OTOGL: variants seen among roughly 807,000 people sequenced by gnomAD.
OTOGL encodes otogelin-like protein.
In OTOGL, 285 loss-of-function variants were observed where a neutral mutation model predicts 318.5. The ratio of observed to expected loss-of-function variants is 0.89; its 90% confidence interval spans 0.81 to 0.99. The LOEUF (loss-of-function observed/expected upper bound fraction) is 0.99, where lower values mean the gene tolerates loss of function less well. Ranked by LOEUF, OTOGL falls within the 50% of genes least tolerant of loss-of-function variation. The pLI, the probability that OTOGL is intolerant of heterozygous loss-of-function variation, is 0.00. For synonymous variants in OTOGL, 987 were observed against 936.5 expected (o/e 1.05, Z -0.99); for missense variants, 2,899 against 2,845.6 (o/e 1.02, Z -0.43).
intron 12 of OTOGL, 123 bp from the exon 13 acceptor site, chr12:80,251,953 A>AT (rs1881593973): frequency 8.8e-7 from 1 of 1,142,302 alleles, no homozygotes; most frequent in Non-Finnish European, 1.1e-6. Flanking sequence ...ACAAGTATGC[A>AT]ATTTTTTTGC....
intron 11 of OTOGL, among the ~76,000 whole-genome samples, chr12:80,250,417 A>G (rs1345690272): frequency 6.6e-6 from 1 of 152,200 alleles, no homozygotes; most frequent in Non-Finnish European, 1.5e-5. Flanking sequence ...TAATAGTTGC[A>G]TTGGGCTGGA....
chr12:80,117,134 T>A (rs1000098353), intron 1 of OTOGL, among the ~76,000 whole-genome samples: 4 of 152,052 alleles, frequency 2.6e-5, no homozygotes, highest in African/African-American at 2.4e-5. Flanking sequence ...AAGAGACAAA[T>A]GGGGCCTGGA....
rs145801741 is a variant in OTOGL, at chr12:80,195,352, TTGCAAAAAGCAACTTG to T, written c.-19-14059_-19-14044del. ...GAGCCAGCAGAGGGCTTTTCTGTAC[TTGCAAAAAGCAACTTG>T]TTAATGGCAGATTCCTAGCTCAATT... On this transcript the variant is annotated intron_variant, in intron 1 of 58. Transcript: ENST00000547103. Among the ~76,000 whole-genome samples, 891 of 152,310 alleles carry T rather than the reference TTGCAAAAAGCAACTTG, an allele frequency of 5.8e-3. 5 individuals are homozygous for T. The highest frequency in any genetic ancestry group is 0.024 in the Middle Eastern group (7 of 294).
At chr12:80,253,737 T>C (rs1033107282) in intron 14 of OTOGL, among the ~76,000 whole-genome samples, 163 bp downstream of exon 14, 3 of 152,174 alleles carry the variant, frequency 2.0e-5, no homozygotes, top group Admixed American at 2.0e-4. Context: ...GACATCTGTA[T>C]TTCCTTTTAT....
intron 4 of OTOGL, among the ~76,000 whole-genome samples, chr12:80,216,950 TA>T (rs1877784109): frequency 6.6e-6 from 1 of 151,474 alleles, no homozygotes; most frequent in Non-Finnish European, 1.5e-5. Flanking sequence ...AGTATAATAA[TA>T]ATAAAAGAAA....
intron 26 of OTOGL, among the ~76,000 whole-genome samples, chr12:80,295,186 T>TTTTTTA (rs1485344487): frequency 8.7e-6 from 1 of 114,884 alleles, no homozygotes; most frequent in African/African-American, 3.0e-5. Context: ...TTTTTTTTTT[T>TTTTTTA]AAGACAGAGT....
chr12:80,102,648 A>G (rs1406064127), intron 1 of OTOGL, among the ~76,000 whole-genome samples: 2 of 151,974 alleles, frequency 1.3e-5, no homozygotes, highest in African/African-American at 2.4e-5. Flanking sequence ...CCCACTCCCA[A>G]TTGTATCTAT....
intron 36 of OTOGL, 35 bp from the exon 37 acceptor site, chr12:80,329,016 A>G (rs374898772): frequency 4.4e-5 from 68 of 1,536,900 alleles, no homozygotes; most frequent in Non-Finnish European, 5.7e-5. Context: ...TTATGCAAAT[A>G]CAGTTTTATA....
rs771590833 is a variant in OTOGL at position 80,368,209 on chromosome 12, A to G, written c.6515A>G (p.Gln2172Arg). Residue 2172 changes from glutamine (Q) to arginine (R), a missense_variant, in exon 55 of 59, where the codon CAG becomes CGG. Physicochemically the swap from Gln to Arg is conservative, Grantham distance 43 (BLOSUM62 1). Coordinates refer to ENST00000547103, the MANE Select transcript of OTOGL (RefSeq NM_001378609.3). ...ATCTAATATCATTATATGCAGCACC[A>G]GGTATATACTCCATCCCCAAGTGAT... Reference protein sequence around the residue: ...VNCSKKCDVHQVYTPSPSDYG... With the variant: ...VNCSKKCDVHRVYTPSPSDYG... The G allele has an allele frequency of 7.6e-6, 12 of 1,588,954 alleles. No individual in the cohort carries two copies. The South Asian group carries it at 1.0e-4, about 13-fold the overall frequency.
At chr12:80,310,457 T>A (rs1886555546) in intron 29 of OTOGL, among the ~76,000 whole-genome samples, 154 bp from the exon 30 acceptor site, 1 of 152,244 alleles carries the variant, frequency 6.6e-6, no homozygotes, top group African/African-American at 2.4e-5. Context: ...GCAATTAACA[T>A]TGAATAGGAT....
intron 35 of OTOGL, among the ~76,000 whole-genome samples, chr12:80,328,170 T>G (rs1887821348): frequency 6.6e-6 from 1 of 151,216 alleles, no homozygotes; most frequent in Admixed American, 6.6e-5. Context: ...ATAGAAAAAA[T>G]TAGCCAGGCA....
intron 52 of OTOGL, among the ~76,000 whole-genome samples, chr12:80,361,452 A>C (rs1185165121): frequency 6.9e-6 from 1 of 144,866 alleles, no homozygotes; most frequent in South Asian, 2.3e-4. Context: ...ATGGGAGTGC[A>C]GATATCTCTA....
At chr12:80,268,054 A>G (rs890248655) in intron 22 of OTOGL, among the ~76,000 whole-genome samples, 5 of 152,120 alleles carry the variant, frequency 3.3e-5, no homozygotes, top group African/African-American at 1.2e-4. Context: ...CATCAATACT[A>G]GAAAGATAAC....
intron 11 of OTOGL, among the ~76,000 whole-genome samples, chr12:80,250,036 G>A (rs1042228529): frequency 1.8e-4 from 27 of 151,960 alleles, no homozygotes; most frequent in African/African-American, 5.3e-4. Context: ...CGCACGGTGC[G>A]CGCACCCACT....
chr12:80,251,029 A>G (rs1359468883), intron 11 of OTOGL, among the ~76,000 whole-genome samples: 3 of 152,236 alleles, frequency 2.0e-5, no homozygotes, highest in Non-Finnish European at 2.9e-5. Context: ...AAAGAATTCA[A>G]AATCCTCTTT....
chr12:80,329,531 T>C (rs989557074), intron 37 of OTOGL, among the ~76,000 whole-genome samples: 1 of 152,230 alleles, frequency 6.6e-6, no homozygotes, highest in Non-Finnish European at 1.5e-5. Flanking sequence ...AGTGATTAAA[T>C]TGGCTCTAAT....
chr12:80,306,824 T>TA (rs1886150771), intron 29 of OTOGL, among the ~76,000 whole-genome samples: 1 of 149,660 alleles, frequency 6.7e-6, no homozygotes, highest in African/African-American at 2.4e-5. Context: ...TATTATTTTT[T>TA]AATTGATCAT....
intron 1 of OTOGL, among the ~76,000 whole-genome samples, chr12:80,183,006 A>T (rs1306325310): frequency 6.6e-6 from 1 of 152,188 alleles, no homozygotes; most frequent in Non-Finnish European, 1.5e-5. Flanking sequence ...TTTTTACTTC[A>T]TTTTTTGGAA....
At chr12:80,112,441 T>C (rs962329313) in intron 1 of OTOGL, among the ~76,000 whole-genome samples, 15 of 152,210 alleles carry the variant, frequency 9.9e-5, no homozygotes, top group African/African-American at 3.6e-4. Flanking sequence ...TTATTGAGTG[T>C]TTTTAGCATG....
Sources: gnomAD v4.1 joint callset for allele counts (sites outside exome capture counted in the v4.1 genomes callset) on GRCh38, gnomAD v4.1.1 for gene constraint, MANE v1.5 for transcripts, NCBI Gene and HGNC (gene_info 2026-07-23, HGNC 2026-07-21) for gene names.